The following NALF1 variants were observed in gnomAD, a reference collection of about 807,000 sequenced individuals.
NALF1 encodes the protein NALCN channel auxiliary factor 1.
A neutral mutation model predicts 48.4 loss-of-function variants in NALF1; 3 were observed. The observed-to-expected ratio is 0.06, with a 90% CI of 0.03 to 0.16. NALF1 has a LOEUF of 0.16. Among genes scored for constraint, NALF1 ranks in the 10% least tolerant of loss-of-function variants. The pLI, the probability that NALF1 is intolerant of heterozygous loss-of-function variation, is 1.00. For missense variants in NALF1, 526 were observed against 571.5 expected, an observed-to-expected ratio of 0.92 and a Z score of 0.81; for synonymous variants, 262 against 245.7, an observed-to-expected ratio of 1.07 and a Z score of -0.62.
chr13:107,759,636 T>C (rs192907841), intron 1 of NALF1, among the ~76,000 whole-genome samples: 6 of 152,312 alleles, frequency 3.9e-5, no homozygotes, highest in Admixed American at 3.3e-4. Context: ...TCTTCAACAT[T>C]CACAGAATCC....
At chr13:107,546,319 G>C (rs982807379) in intron 1 of NALF1, among the ~76,000 whole-genome samples, 3 of 152,104 alleles carry the variant, frequency 2.0e-5, no homozygotes, top group African/African-American at 7.2e-5. Flanking sequence ...GAATCAATAC[G>C]AAGCACAAAC....
chr13:107,316,205 T>C (rs534130864), intron 1 of NALF1, among the ~76,000 whole-genome samples: 30 of 152,322 alleles, frequency 2.0e-4, no homozygotes, highest in Admixed American at 8.5e-4. Flanking sequence ...GCTTCATCCA[T>C]GTCCCTACAA....
intron 1 of NALF1, among the ~76,000 whole-genome samples, chr13:107,507,911 C>G (rs551194768): frequency 4.6e-5 from 7 of 152,256 alleles, no homozygotes; most frequent in African/African-American, 1.7e-4. Context: ...CAGCGTGGCT[C>G]CACCCTGTGT....
chr13:107,628,774 T>C (rs965507055), intron 1 of NALF1, among the ~76,000 whole-genome samples: 3 of 152,202 alleles, frequency 2.0e-5, no homozygotes, highest in African/African-American at 7.2e-5. Flanking sequence ...CAAAATAATT[T>C]ATTTTAAAAA....
chr13:107,211,892 C>T (rs1879769771), intron 1 of NALF1, among the ~76,000 whole-genome samples: 1 of 152,062 alleles, frequency 6.6e-6, no homozygotes, highest in Non-Finnish European at 1.5e-5. Context: ...TCAGCATGCA[C>T]TTTTGACCAT....
At chr13:107,296,198 G>A (rs1881721588) in intron 1 of NALF1, among the ~76,000 whole-genome samples, 1 of 152,124 alleles carries the variant, frequency 6.6e-6, no homozygotes, top group African/African-American at 2.4e-5. Flanking sequence ...GATTTTCTCT[G>A]CCAAACATAC....
chr13:107,527,200 G>T (rs894329975), intron 1 of NALF1, among the ~76,000 whole-genome samples: 1 of 152,094 alleles, frequency 6.6e-6, no homozygotes, highest in Non-Finnish European at 1.5e-5. Flanking sequence ...CTGCTGACCC[G>T]CTGTCATTAG....
At chr13:107,287,145 T>G (rs1169123843) in intron 1 of NALF1, among the ~76,000 whole-genome samples, 2 of 152,196 alleles carry the variant, frequency 1.3e-5, no homozygotes, top group African/African-American at 4.8e-5. Flanking sequence ...GCTGCAGAAT[T>G]GAAAGTGCTG....
chr13:107,650,556 A>C (rs1880427242), intron 1 of NALF1, among the ~76,000 whole-genome samples: 1 of 151,988 alleles, frequency 6.6e-6, no homozygotes, highest in African/African-American at 2.4e-5. Context: ...CATAAGAATG[A>C]TACAATGGGC....
chr13:107,262,368 T>A (rs538090298), intron 1 of NALF1, among the ~76,000 whole-genome samples: 11 of 152,098 alleles, frequency 7.2e-5, no homozygotes, highest in Non-Finnish European at 1.3e-4. Flanking sequence ...TGAGCTGAGA[T>A]CACGCTGCTA....
intron 1 of NALF1, among the ~76,000 whole-genome samples, chr13:107,543,445 G>A (rs908828567): frequency 4.0e-5 from 6 of 151,850 alleles, no homozygotes; most frequent in Non-Finnish European, 5.9e-5. Flanking sequence ...ATATAAAGAG[G>A]CAGTTACAAT....
intron 1 of NALF1, among the ~76,000 whole-genome samples, chr13:107,657,793 C>T (rs957255749): frequency 1.3e-5 from 2 of 152,140 alleles, no homozygotes; most frequent in African/African-American, 4.8e-5. Flanking sequence ...GAAATGTCAA[C>T]GCCAGGCATT....
intron 1 of NALF1, among the ~76,000 whole-genome samples, chr13:107,515,825 C>T (rs920581647): frequency 2.6e-5 from 4 of 152,092 alleles, no homozygotes; most frequent in South Asian, 2.1e-4. Context: ...GCACAGATTT[C>T]GGGAAGAAAG....
chr13:107,842,535 T>C (rs1252001534), intron 1 of NALF1, among the ~76,000 whole-genome samples: 1 of 151,876 alleles, frequency 6.6e-6, no homozygotes, highest in Non-Finnish European at 1.5e-5. Context: ...TAGAGTTTTT[T>C]TTTTATTTTA....
chr13:107,206,621 T>C (rs1879649171), intron 2 of NALF1, among the ~76,000 whole-genome samples: 1 of 152,198 alleles, frequency 6.6e-6, no homozygotes, highest in Admixed American at 6.5e-5. Context: ...ATTCCCTTTT[T>C]TGTGAATAAT....
At position 107,573,141 on chromosome 13, in the gene NALF1, A is replaced by G. The variant is rs527875329; in HGVS notation, c.915+292541T>C. Among the ~76,000 whole-genome samples, 557 of 152,238 alleles carry G rather than the reference A, an allele frequency of 3.7e-3. 4 individuals are homozygous for G. The highest frequency in any genetic ancestry group is 4.8e-3 in the Non-Finnish European group (327 of 68,014). ...ACCTCCCTGTTTATCCTCCTGTGCT[A>G]TGTTGCTCTAGACCTCTGACCACAG... On this transcript the variant is annotated intron_variant, in intron 1 of 2. Coordinates refer to ENST00000375915, the MANE Select transcript of NALF1 (RefSeq NM_001080396.3).
chr13:107,497,401 A>T (rs546752997), intron 1 of NALF1, among the ~76,000 whole-genome samples: 2 of 152,274 alleles, frequency 1.3e-5, no homozygotes, highest in African/African-American at 4.8e-5. Flanking sequence ...TAAAGCCATA[A>T]CACCTCTGTA....
At chr13:107,631,257 G>A (rs1346697546) in intron 1 of NALF1, among the ~76,000 whole-genome samples, 1 of 152,106 alleles carries the variant, frequency 6.6e-6, no homozygotes, top group Non-Finnish European at 1.5e-5. Flanking sequence ...TGCCAAGATT[G>A]TGCTTGCTAT....
intron 1 of NALF1, among the ~76,000 whole-genome samples, chr13:107,363,726 A>G (rs1883105241): frequency 6.6e-6 from 1 of 152,348 alleles, no homozygotes; most frequent in Non-Finnish European, 1.5e-5. Flanking sequence ...CTATTGAAGA[A>G]CTGGCTTCAA....
Sources: gnomAD v4.1 joint callset for allele counts (sites outside exome capture counted in the v4.1 genomes callset) on GRCh38, gnomAD v4.1.1 for gene constraint, MANE v1.5 for transcripts, NCBI Gene and HGNC (gene_info 2026-07-23, HGNC 2026-07-21) for gene names.